PEMT: variants seen among roughly 807,000 people sequenced by gnomAD.
The protein encoded by PEMT is phospholipid methyltransferase.
A neutral mutation model predicts 27.4 loss-of-function variants in PEMT; 23 were observed. The observed-to-expected ratio is 0.84, with a 90% CI of 0.60 to 1.19. The LOEUF is 1.19. Ranked by LOEUF, PEMT falls within the 50% of genes most tolerant of loss-of-function variation. The pLI is 0.00. For synonymous variants in PEMT, 137 were observed against 139.1 expected, an observed-to-expected ratio of 0.98 and a Z score of 0.11; for missense variants, 307 against 310.1, an observed-to-expected ratio of 0.99 and a Z score of 0.07.
intron 2 of PEMT, among the ~76,000 whole-genome samples, chr17:17,552,372 G>A (rs551098553): frequency 6.6e-6 from 1 of 152,126 alleles, no homozygotes; most frequent in East Asian, 1.9e-4. Context: ...GGTTCCTCCC[G>A]AGGGTCCTGG....
chr17:17,546,708 C>A (rs868561239), intron 2 of PEMT, among the ~76,000 whole-genome samples: 19 of 152,212 alleles, frequency 1.2e-4, no homozygotes, highest in African/African-American at 4.6e-4. Context: ...TAGCCTATGG[C>A]CAAAGAGAGG....
At chr17:17,508,045 A>C (rs1906031617) in intron 5 of PEMT, 1 of 152,646 alleles carries the variant, frequency 6.6e-6, no homozygotes. Flanking sequence ...GCAGGAGGGA[A>C]CACTTGACGT....
At chr17:17,553,204 G>A (rs1449459060) in intron 2 of PEMT, among the ~76,000 whole-genome samples, 2 of 152,186 alleles carry the variant, frequency 1.3e-5, no homozygotes, top group Non-Finnish European at 2.9e-5. Context: ...TTTGGGGCAG[G>A]GACAAAGAAC....
intron 2 of PEMT, among the ~76,000 whole-genome samples, chr17:17,557,969 C>T (rs932186370): frequency 1.3e-5 from 2 of 152,192 alleles, no homozygotes; most frequent in African/African-American, 2.4e-5. Context: ...GGCTAAACAC[C>T]AGAACCCCAA....
At chr17:17,555,721 C>G (rs4244596) in intron 2 of PEMT, among the ~76,000 whole-genome samples, 93,207 of 152,024 alleles carry the variant, frequency 0.61, 29,288 homozygotes, top group African/African-American at 0.75. Context: ...CTGTCACGAT[C>G]ATCCCAGGGC....
chr17:17,564,616 C>A (rs1910702786), intron 2 of PEMT, among the ~76,000 whole-genome samples: 1 of 152,150 alleles, frequency 6.6e-6, no homozygotes, highest in African/African-American at 2.4e-5. Context: ...AAACCTCAGT[C>A]TCCTTGGAAA....
intron 2 of PEMT, among the ~76,000 whole-genome samples, chr17:17,548,899 G>A (rs1425324391): frequency 6.6e-6 from 1 of 152,236 alleles, no homozygotes; most frequent in Non-Finnish European, 1.5e-5. Context: ...TGTGTGGAGG[G>A]TGGCAAGTGT....
chr17:17,518,268 T>G, intron 3 of PEMT: 1 of 560,296 alleles, frequency 1.8e-6, no homozygotes, highest in Non-Finnish European at 2.3e-6. Context: ...GTTCGAGCCC[T>G]GCCTGGCCAT....
At chr17:17,527,568 G>A (rs767962871) in intron 2 of PEMT, among the ~76,000 whole-genome samples, 1 of 141,032 alleles carries the variant, frequency 7.1e-6, no homozygotes, top group East Asian at 2.0e-4. Context: ...TAATACTCTC[G>A]ACTGCGTCAC....
intron 1 of PEMT, chr17:17,577,307 G>A: frequency 4.2e-6 from 2 of 475,708 alleles, no homozygotes; most frequent in Non-Finnish European, 7.3e-6. Context: ...CCTGAAGGGA[G>A]GTGACACCAA....
chr17:17,590,046 C>CA (rs904536145), intron 1 of PEMT, among the ~76,000 whole-genome samples: 6 of 150,322 alleles, frequency 4.0e-5, no homozygotes, highest in African/African-American at 1.5e-4. Context: ...TTCTGCCCCC[C>CA]CTTCTACATG....
At chr17:17,545,746 G>A (rs1909214793) in intron 2 of PEMT, among the ~76,000 whole-genome samples, 2 of 152,274 alleles carry the variant, frequency 1.3e-5, no homozygotes, top group South Asian at 2.1e-4. Flanking sequence ...AATGTCCTCC[G>A]TTTTAGAGAT....
At chr17:17,585,878 C>A (rs943134935) in intron 1 of PEMT, among the ~76,000 whole-genome samples, 1 of 151,652 alleles carries the variant, frequency 6.6e-6, no homozygotes, top group African/African-American at 2.4e-5. Flanking sequence ...GTCAGGAGAT[C>A]GAGATCATCC....
At chr17:17,584,832 C>A (rs572472483) in intron 1 of PEMT, among the ~76,000 whole-genome samples, 1 of 152,374 alleles carries the variant, frequency 6.6e-6, no homozygotes, top group Admixed American at 6.5e-5. Context: ...GGCGGGCAGC[C>A]ATCTCCCCTC....
At chr17:17,591,014 ACT>A (rs984972478) in intron 1 of PEMT, among the ~76,000 whole-genome samples, 6 of 152,046 alleles carry the variant, frequency 3.9e-5, no homozygotes, top group African/African-American at 1.2e-4. Context: ...GGTCCCCACC[ACT>A]CTCTTGCCTC....
chr17:17,521,594 C>T (rs535896274), intron 3 of PEMT, among the ~76,000 whole-genome samples: 23 of 152,246 alleles, frequency 1.5e-4, no homozygotes, highest in African/African-American at 3.9e-4. Flanking sequence ...GACGGAGTCT[C>T]GCTCTGTTGC....
intron 1 of PEMT, among the ~76,000 whole-genome samples, chr17:17,583,663 G>C (rs1423389198): frequency 6.6e-6 from 1 of 152,232 alleles, no homozygotes; most frequent in African/African-American, 2.4e-5. Context: ...ACAGAAGCAA[G>C]AACAGATGTA....
intron 2 of PEMT, among the ~76,000 whole-genome samples, chr17:17,528,197 G>A (rs1274588205): frequency 6.6e-6 from 1 of 152,212 alleles, no homozygotes; most frequent in Non-Finnish European, 1.5e-5. Context: ...GCTTCCTTCT[G>A]CCTTCCTGCT....
Position 17,553,597 on chromosome 17 carries a change from GC to G in PEMT, c.204+23322del, listed in dbSNP as rs79789745. 2.6e-5 allele frequency among the ~76,000 whole-genome samples: 4 copies of G among 152,286 alleles called. No individual in the cohort carries two copies. In the East Asian group the frequency reaches 7.7e-4, roughly 29 times the overall value. On this transcript the variant is annotated intron_variant, in intron 2 of 6. Coordinates refer to ENST00000255389, the MANE Select transcript of PEMT (RefSeq NM_148172.3). Reference sequence around the variant, plus strand: ...ACAGTGGCTCACAAGCCCACGATGGGCCCGCGTCCACCCAATGGCCAGCACT... The same window carrying G: ...ACAGTGGCTCACAAGCCCACGATGGGCCGCGTCCACCCAATGGCCAGCACT...
Sources: allele counts gnomAD v4.1 joint callset (sites outside exome capture counted in the v4.1 genomes callset), GRCh38; gene constraint gnomAD v4.1.1; transcripts MANE v1.5; gene names NCBI Gene and HGNC (gene_info 2026-07-23, HGNC 2026-07-21).